The following RAI14 variants were observed in gnomAD, a reference collection of about 807,000 sequenced individuals.
The protein encoded by RAI14 is ankycorbin.
RAI14 carries 45 observed loss-of-function variants against 115.4 expected under a neutral mutation model. That is an observed-to-expected ratio of 0.39 (90% confidence interval 0.31 to 0.50). The LOEUF (loss-of-function observed/expected upper bound fraction) is 0.50. Among genes scored for constraint, RAI14 ranks in the 20% least tolerant of loss-of-function variants. The pLI is 0.85. For missense variants in RAI14, 939 were observed against 1,131.2 expected, an observed-to-expected ratio of 0.83 and a Z score of 2.44; for synonymous variants, 371 against 415.4, an observed-to-expected ratio of 0.89 and a Z score of 1.30.
At chr5:34,662,759 C>T (rs1561218721) in intron 1 of RAI14, among the ~76,000 whole-genome samples, 1 of 112,840 alleles carries the variant, frequency 8.9e-6, no homozygotes. Context: ...CACAGAGTCT[C>T]ACTCTGTTGC....
intron 1 of RAI14, among the ~76,000 whole-genome samples, chr5:34,684,022 C>T (rs186007028): frequency 1.3e-5 from 2 of 152,336 alleles, no homozygotes; most frequent in African/African-American, 2.4e-5. Context: ...CCACCGTGCC[C>T]GGCCGGCGAT....
At chr5:34,780,485 C>T (rs1211862475) in intron 3 of RAI14, among the ~76,000 whole-genome samples, 1 of 152,064 alleles carries the variant, frequency 6.6e-6, no homozygotes, top group African/African-American at 2.4e-5. Flanking sequence ...TGACAAAGGG[C>T]TAATATCCAG....
At chr5:34,724,493 C>G (rs1383614549) in intron 2 of RAI14, among the ~76,000 whole-genome samples, 1 of 152,044 alleles carries the variant, frequency 6.6e-6, no homozygotes, top group Admixed American at 6.6e-5. Context: ...GAACACTTTC[C>G]CCTAACTCCC....
At chr5:34,781,736 T>G (rs928656827) in intron 3 of RAI14, among the ~76,000 whole-genome samples, 2 of 152,198 alleles carry the variant, frequency 1.3e-5, no homozygotes, top group Non-Finnish European at 2.9e-5. Flanking sequence ...ATTCCACTCC[T>G]CGGTATGTAC....
intron 3 of RAI14, among the ~76,000 whole-genome samples, chr5:34,765,395 A>T (rs1031866826): frequency 1.3e-5 from 2 of 152,232 alleles, no homozygotes; most frequent in Non-Finnish European, 2.9e-5. Flanking sequence ...AGCGATATGG[A>T]CAATAGGGTC....
intron 2 of RAI14, among the ~76,000 whole-genome samples, chr5:34,748,406 T>G (rs1209369677): frequency 1.3e-5 from 2 of 152,230 alleles, no homozygotes; most frequent in African/African-American, 4.8e-5. Flanking sequence ...GTTGTAAGGT[T>G]TCACTTGTAT....
chr5:34,767,112 A>G (rs1485890383), intron 3 of RAI14, among the ~76,000 whole-genome samples: 1 of 152,176 alleles, frequency 6.6e-6, no homozygotes, highest in Non-Finnish European at 1.5e-5. Context: ...GTATGTCTTT[A>G]TCAGCAGCAT....
chr5:34,778,347 T>TA (rs1423660907), intron 3 of RAI14, among the ~76,000 whole-genome samples: 6 of 152,182 alleles, frequency 3.9e-5, no homozygotes, highest in Non-Finnish European at 7.4e-5. Context: ...GGCCACTCTT[T>TA]AAGTTAGCCA....
intron 3 of RAI14, among the ~76,000 whole-genome samples, chr5:34,766,960 G>C (rs113929043): frequency 1.3e-5 from 2 of 152,070 alleles, no homozygotes; most frequent in Admixed American, 1.3e-4. Context: ...TTTAGTAGGG[G>C]TTTCCACTTT....
At chr5:34,694,075 T>C (rs1324006535) in intron 2 of RAI14, among the ~76,000 whole-genome samples, 1 of 152,196 alleles carries the variant, frequency 6.6e-6, no homozygotes, top group Non-Finnish European at 1.5e-5. Context: ...ACCATAATTC[T>C]CAGTTAAACA....
rs149612800 is a variant in RAI14, at chr5:34,666,386, C to G, written c.-49+9911C>G. 5.2e-3 allele frequency among the ~76,000 whole-genome samples: 784 copies of G among 152,024 alleles called. 7 individuals are homozygous for G. Among genetic ancestry groups the G allele is most frequent in the African/African-American group, 0.017 (712 of 41,326 alleles). ...CACAGGTAGGCCTTTGGCTGCTCAG[C>G]CCAGTGGGGGAAATATCCCCAACTG... On this transcript the variant is annotated intron_variant, in intron 1 of 17. Transcript: ENST00000265109.
chr5:34,822,520 A>G (rs984730392), intron 14 of RAI14, among the ~76,000 whole-genome samples: 5 of 151,724 alleles, frequency 3.3e-5, no homozygotes, highest in East Asian at 1.9e-4. Flanking sequence ...GCTTTGTGTC[A>G]TTAGTCCCAC....
At chr5:34,756,653 C>A (rs569888193) in intron 2 of RAI14, among the ~76,000 whole-genome samples, 224 of 152,344 alleles carry the variant, frequency 1.5e-3, no homozygotes, top group African/African-American at 5.2e-3. Flanking sequence ...TCTCTCCCTC[C>A]TCTGCTCCCA....
At chr5:34,711,536 A>G (rs1741401961) in intron 2 of RAI14, among the ~76,000 whole-genome samples, 1 of 152,246 alleles carries the variant, frequency 6.6e-6, no homozygotes, top group Non-Finnish European at 1.5e-5. Context: ...CTGGATGTAT[A>G]TGTGCAAGTC....
rs1382364994 is a variant in RAI14, at chr5:34,826,314, T to C, written c.2650-16T>C. 6.2e-7 allele frequency: 1 copy of C among 1,610,686 alleles called. No homozygotes were observed. On this transcript the variant is annotated splice_polypyrimidine_tract_variant and intron_variant, in intron 15 of 17. Transcript: ENST00000265109. ...ACATGTTACTGTCTGCTAATACCAT[T>C]TTCCTTTGCCCCTAGATAAATGAGA...
intron 2 of RAI14, among the ~76,000 whole-genome samples, chr5:34,745,587 C>A (rs1194392714): frequency 6.6e-6 from 1 of 152,160 alleles, no homozygotes; most frequent in African/African-American, 2.4e-5. Flanking sequence ...CACCCTTTGA[C>A]CCTGGAATCT....
At chr5:34,712,453 A>G (rs1741510392) in intron 2 of RAI14, among the ~76,000 whole-genome samples, 1 of 152,194 alleles carries the variant, frequency 6.6e-6, no homozygotes, top group Non-Finnish European at 1.5e-5. Flanking sequence ...TTCAGTTGAC[A>G]CGTGCATGAA....
intron 3 of RAI14, among the ~76,000 whole-genome samples, chr5:34,786,322 G>A (rs947949239): frequency 6.6e-6 from 1 of 152,192 alleles, no homozygotes; most frequent in East Asian, 1.9e-4. Flanking sequence ...GTCGCTCAAG[G>A]TGCTGCTCGA....
At position 34,752,729 on chromosome 5, in the gene RAI14, G is replaced by GTATA. The variant is rs1561312083; in HGVS notation, c.37-4738_37-4737insATAT. Among the ~76,000 whole-genome samples the GTATA allele has an allele frequency of 6.7e-4, 61 of 90,902 alleles. 2 individuals are homozygous for GTATA. The highest frequency in any genetic ancestry group is 2.0e-3 in the African/African-American group (45 of 22,166). The allele number at this position is 90,902 out of a possible 152,430, so 59.6% of individuals were successfully genotyped here. Reference sequence around the variant, plus strand: ...TGTGTGTGTGTGTGTGTGTGTGTGTGTGTGTGTGTGTGTGTGTGTGTATAT... The same window carrying GTATA: ...TGTGTGTGTGTGTGTGTGTGTGTGTGTATATGTGTGTGTGTGTGTGTGTGTATAT... On this transcript the variant is annotated intron_variant, in intron 2 of 17. Transcript: ENST00000265109.
Sources: allele counts gnomAD v4.1 joint callset (sites outside exome capture counted in the v4.1 genomes callset), GRCh38; gene constraint gnomAD v4.1.1; transcripts MANE v1.5; gene names NCBI Gene and HGNC (gene_info 2026-07-23, HGNC 2026-07-21).